The following CHODL variants were observed in gnomAD, a reference collection of about 807,000 sequenced individuals.
The protein encoded by CHODL is chondrolectin.
Under a neutral mutation model 34.5 loss-of-function variants are expected in CHODL, and 29 were observed. That is an observed-to-expected ratio of 0.84 (90% CI 0.63 to 1.15). The LOEUF is 1.15. Among genes scored for constraint, CHODL ranks in the 50% most tolerant of loss-of-function variants. The pLI is 0.00. For missense variants in CHODL, 332 were observed against 332.5 expected (o/e 1.00, Z 0.01); for synonymous variants, 125 against 116.1 (o/e 1.08, Z -0.49).
At chr21:18,147,260 C>T (rs960948574) in intron 2 of CHODL, among the ~76,000 whole-genome samples, 4 of 152,164 alleles carry the variant, frequency 2.6e-5, no homozygotes, top group East Asian at 1.9e-4. Flanking sequence ...TGGCCTGCTC[C>T]GCAGACTCAG....
chr21:18,014,599 T>A (rs1354704492), intron 1 of CHODL, among the ~76,000 whole-genome samples: 2 of 152,206 alleles, frequency 1.3e-5, no homozygotes, highest in African/African-American at 4.8e-5. Flanking sequence ...GGATCCTTCA[T>A]GGCTTGGTGC....
At chr21:18,097,093 T>C (rs988792403) in intron 2 of CHODL, among the ~76,000 whole-genome samples, 2 of 152,154 alleles carry the variant, frequency 1.3e-5, no homozygotes, top group Non-Finnish European at 2.9e-5. Flanking sequence ...AAGCTGTATA[T>C]GACAGACCCA....
intron 2 of CHODL, among the ~76,000 whole-genome samples, chr21:18,132,160 C>T (rs1034175755): frequency 3.3e-5 from 5 of 151,748 alleles, no homozygotes; most frequent in East Asian, 1.9e-4. Context: ...ATACATGTGC[C>T]GTGTGGGGTT....
At chr21:18,226,296 G>A (rs1207200211) in intron 2 of CHODL, among the ~76,000 whole-genome samples, 2 of 152,084 alleles carry the variant, frequency 1.3e-5, no homozygotes, top group Admixed American at 6.6e-5. Flanking sequence ...AAAAGGAAAT[G>A]TTTTATTAGT....
intron 1 of CHODL, among the ~76,000 whole-genome samples, chr21:18,014,820 C>A (rs753208715): frequency 5.3e-5 from 8 of 152,162 alleles, no homozygotes; most frequent in Non-Finnish European, 1.2e-4. Flanking sequence ...GAACTATGTG[C>A]CAATTAAACC....
intron 1 of CHODL, among the ~76,000 whole-genome samples, chr21:17,983,001 A>G (rs1600856856): frequency 1.3e-5 from 2 of 152,156 alleles, no homozygotes; most frequent in East Asian, 1.9e-4. Flanking sequence ...CTGGGATTAT[A>G]GGTGTGAGCC....
rs150725890 is a variant in CHODL at position 17,926,546 on chromosome 21, A to G, written c.-145+9146A>G. Among the ~76,000 whole-genome samples, 1,226 of 152,222 alleles carry G rather than the reference A, an allele frequency of 8.1e-3. 20 individuals carry two copies. Among genetic ancestry groups the G allele is most frequent in the African/African-American group, 0.027 (1,133 of 41,526 alleles). The stretch of plus-strand genomic sequence containing the variant: ...CATGGCAGAAGGCAAAGGAGAAGCA[A>G]ACACCTTCTTCACAGGGCCTCAGCA... On this transcript the variant is annotated intron_variant, in intron 1 of 6. Transcript: ENST00000400127.
intron 2 of CHODL, among the ~76,000 whole-genome samples, chr21:18,158,764 G>A (rs2073062311): frequency 6.6e-6 from 1 of 151,566 alleles, no homozygotes; most frequent in South Asian, 2.1e-4. Context: ...CTTGAACCCG[G>A]GAGGCGGAAG....
intron 2 of CHODL, among the ~76,000 whole-genome samples, chr21:18,046,496 A>G (rs999499646): frequency 2.6e-5 from 4 of 152,060 alleles, no homozygotes; most frequent in African/African-American, 9.6e-5. Context: ...ATTGGATGTA[A>G]GGAATCAAAG....
chr21:18,002,433 C>T (rs377190062), intron 1 of CHODL, among the ~76,000 whole-genome samples: 4 of 152,144 alleles, frequency 2.6e-5, no homozygotes, highest in African/African-American at 9.7e-5. Flanking sequence ...AAACATACTT[C>T]TCTCTTTAAT....
At chr21:17,951,180 G>T (rs1426728017) in intron 1 of CHODL, among the ~76,000 whole-genome samples, 1 of 151,138 alleles carries the variant, frequency 6.6e-6, no homozygotes, top group African/African-American at 2.4e-5. Flanking sequence ...TGATTACTTT[G>T]GTGGGGCCTT....
chr21:18,056,913 C>T (rs528468110), intron 2 of CHODL, among the ~76,000 whole-genome samples: 1 of 152,118 alleles, frequency 6.6e-6, no homozygotes, highest in East Asian at 1.9e-4. Context: ...TTCTAGCTTT[C>T]ATTTCAGAAG....
At chr21:18,012,306 CT>C (rs1413252829) in intron 1 of CHODL, among the ~76,000 whole-genome samples, 1 of 152,152 alleles carries the variant, frequency 6.6e-6, no homozygotes, top group Non-Finnish European at 1.5e-5. Context: ...TCTGTCTTTA[CT>C]TTTAAGTTCT....
intron 2 of CHODL, among the ~76,000 whole-genome samples, chr21:18,084,088 A>C (rs761279655): frequency 2.0e-5 from 3 of 152,274 alleles, no homozygotes; most frequent in Middle Eastern, 6.8e-3. Flanking sequence ...ATGGGGGTGG[A>C]CTTTCCCCTT....
intron 1 of CHODL, among the ~76,000 whole-genome samples, chr21:18,018,067 A>G (rs972363782): frequency 2.0e-5 from 3 of 152,206 alleles, no homozygotes; most frequent in African/African-American, 4.8e-5. Context: ...TGGAACAGCA[A>G]TGTTTATGCA....
intron 2 of CHODL, among the ~76,000 whole-genome samples, chr21:18,214,914 A>AACAT (rs1168980741): frequency 6.6e-6 from 1 of 152,146 alleles, no homozygotes; most frequent in African/African-American, 2.4e-5. Flanking sequence ...TAAAATTAAC[A>AACAT]ACATACATAC....
intron 1 of CHODL, among the ~76,000 whole-genome samples, chr21:17,940,995 T>C (rs1433639191): frequency 6.6e-6 from 1 of 152,198 alleles, no homozygotes; most frequent in Non-Finnish European, 1.5e-5. Context: ...TTAATAAGAA[T>C]TTAAGAGAAT....
At chr21:18,165,513 G>C (rs1386403613) in intron 2 of CHODL, among the ~76,000 whole-genome samples, 1 of 152,204 alleles carries the variant, frequency 6.6e-6, no homozygotes, top group South Asian at 2.1e-4. Context: ...TTGAGCAGCA[G>C]TTGGTAAGGA....
At chr21:17,997,234 C>G (rs912440264) in intron 1 of CHODL, among the ~76,000 whole-genome samples, 6 of 152,202 alleles carry the variant, frequency 3.9e-5, no homozygotes, top group African/African-American at 1.4e-4. Context: ...ATAATCAAAA[C>G]TTTAATCTTA....
Sources: allele counts gnomAD v4.1 joint callset (sites outside exome capture counted in the v4.1 genomes callset), GRCh38; gene constraint gnomAD v4.1.1; transcripts MANE v1.5; gene names NCBI Gene and HGNC (gene_info 2026-07-23, HGNC 2026-07-21).